The following RGMA variants were observed in gnomAD, a reference collection of about 807,000 sequenced individuals.
The protein encoded by RGMA is repulsive guidance molecule BMP co-receptor a, also known as repulsive guidance molecule A.
RGMA carries 10 observed loss-of-function variants against 23.2 expected under a neutral mutation model. The observed-to-expected ratio is 0.43, with a 90% CI of 0.27 to 0.73. The LOEUF (loss-of-function observed/expected upper bound fraction) is 0.73. Among genes scored for constraint, RGMA ranks in the 30% least tolerant of loss-of-function variants. The pLI, the probability that RGMA is intolerant of heterozygous loss-of-function variation, is 0.20. For synonymous variants in RGMA, 308 were observed against 279.3 expected (o/e 1.10, Z -1.03); for missense variants, 547 against 630.5 (o/e 0.87, Z 1.42).
At chr15:93,054,620 G>A (rs2054983794) in intron 2 of RGMA, among the ~76,000 whole-genome samples, 1 of 152,280 alleles carries the variant, frequency 6.6e-6, no homozygotes, top group South Asian at 2.1e-4. Flanking sequence ...CGGCCATGTG[G>A]AACTATGAGT....
At chr15:93,088,662 T>C in intron 1 of RGMA, 3 of 957,094 alleles carry the variant, frequency 3.1e-6, no homozygotes, top group Non-Finnish European at 4.2e-6. Flanking sequence ...GTGCCGGGTC[T>C]GCCCAACCAC....
intron 2 of RGMA, chr15:93,066,242 G>A: frequency 2.3e-6 from 3 of 1,321,886 alleles, no homozygotes; most frequent in Non-Finnish European, 3.3e-6. Flanking sequence ...AACTTCCTGG[G>A]CTTCTTTTAA....
rs1294846815 is a variant in RGMA at position 93,073,735 on chromosome 15, G to A, written c.15-704C>T. The A allele has an allele frequency of 1.0e-5, 16 of 1,537,040 alleles. No homozygotes were observed. The highest frequency in any genetic ancestry group is 1.4e-5 in the Non-Finnish European group (16 of 1,146,890). Reference sequence around the variant, plus strand: ...CTAACGCACCTCGAGGTTCCCGCCCGTCGTGGCCCCAGGCCACCCATCCTG... The same window carrying A: ...CTAACGCACCTCGAGGTTCCCGCCCATCGTGGCCCCAGGCCACCCATCCTG... On this transcript the variant is annotated intron_variant, in intron 1 of 3. Transcript: ENST00000329082.
intron 2 of RGMA, among the ~76,000 whole-genome samples, chr15:93,069,026 AAACT>A (rs1895240306): frequency 1.3e-5 from 2 of 152,238 alleles, no homozygotes; most frequent in Non-Finnish European, 2.9e-5. Flanking sequence ...CAGCCCAAAC[AAACT>A]AAGACACTCT....
intron 3 of RGMA, among the ~76,000 whole-genome samples, chr15:93,048,074 G>A (rs1207996518): frequency 6.6e-6 from 1 of 152,148 alleles, no homozygotes; most frequent in African/African-American, 2.4e-5. Context: ...TCAGGACCAG[G>A]TGCTAAGAGG....
At chr15:93,070,224 C>T (rs1421245661) in intron 2 of RGMA, among the ~76,000 whole-genome samples, 3 of 152,324 alleles carry the variant, frequency 2.0e-5, no homozygotes, top group Middle Eastern at 3.4e-3. Flanking sequence ...AACACACAAA[C>T]GCTCTCAGTG....
At chr15:93,073,226 C>A (rs905902422) in intron 1 of RGMA, 195 bp from the exon 2 acceptor site, 3 of 1,092,444 alleles carry the variant, frequency 2.7e-6, no homozygotes, top group Admixed American at 4.9e-5. Context: ...CCGCCAATGT[C>A]GACGCGGCCC....
chr15:93,057,171 C>G (rs898121148), intron 2 of RGMA, among the ~76,000 whole-genome samples: 2 of 152,180 alleles, frequency 1.3e-5, no homozygotes, highest in South Asian at 2.1e-4. Context: ...TCATGACTGT[C>G]GAGGGGGCCT....
chr15:93,066,681 G>A (rs1326202409), intron 2 of RGMA: 2 of 386,276 alleles, frequency 5.2e-6, no homozygotes, highest in Admixed American at 3.5e-5. Flanking sequence ...GGCCCCCGCC[G>A]CCGCCCGGTT....
At chr15:93,058,995 G>A (rs1260037271) in intron 2 of RGMA, among the ~76,000 whole-genome samples, 2 of 141,634 alleles carry the variant, frequency 1.4e-5, no homozygotes, top group Admixed American at 7.2e-5. Context: ...GTGACACATT[G>A]CTTTCCTGTT....
rs1458674489 is a variant in RGMA at position 93,043,277 on chromosome 15, C to CAGGCATGCAT, written c.*1720_*1721insATGCATGCCT. The CAGGCATGCAT allele has an allele frequency of 2.8e-5, 2 of 71,086 alleles. No individual in the cohort carries two copies. The highest frequency in any genetic ancestry group is 1.1e-4 in the Non-Finnish European group (2 of 18,150). 4.4% of individuals were successfully genotyped at this position (71,086 alleles called of 1,614,324 possible). On this transcript the variant is annotated 3_prime_UTR_variant, in exon 4 of 4. Transcript: ENST00000329082. ...GCACGCACACACACAGGCATGCATA[C>CAGGCATGCAT]ACACATGCGCGCACACACACATGCG...
intron 1 of RGMA, among the ~76,000 whole-genome samples, chr15:93,079,073 A>G (rs1895517498): frequency 6.6e-6 from 1 of 152,234 alleles, no homozygotes; most frequent in African/African-American, 2.4e-5. Context: ...ATTTCATCCC[A>G]AAGCCTGGAA....
chr15:93,049,646 C>T lies in RGMA; in HGVS notation c.645+2347G>A, dbSNP rs149087959. On this transcript the variant is annotated intron_variant, in intron 3 of 3. Coordinates refer to ENST00000329082, the MANE Select transcript of RGMA (RefSeq NM_020211.3). ...ACAAATAAAGGCCCCTAGTGATGCC[C>T]GGGTGTTTGGGGGCAGCTTCATGCA... Among the ~76,000 whole-genome samples, 303 of 152,304 alleles carry T rather than the reference C, an allele frequency of 2.0e-3. 1 individual carries two copies. Among genetic ancestry groups the T allele is most frequent in the African/African-American group, 6.8e-3 (282 of 41,560 alleles).
Position 93,044,637 on chromosome 15 carries a change from T to G in RGMA, c.*361A>C. ...GGCGAGCAGCAGTCGGCCGGGCCTT[T>G]CAGTGCATTGCGAGGGGGAAGGAGC... On this transcript the variant is annotated 3_prime_UTR_variant, in exon 4 of 4. Coordinates refer to ENST00000329082, the MANE Select transcript of RGMA (RefSeq NM_020211.3). The G allele has an allele frequency of 6.4e-6, 2 of 313,776 alleles. No individual in the cohort carries two copies. Among genetic ancestry groups the G allele is most frequent in the Non-Finnish European group, 6.0e-6 (1 of 167,594 alleles). 19.4% of individuals were successfully genotyped at this position (313,776 alleles called of 1,614,324 possible).
At chr15:93,066,689 G>T (rs936363193) in intron 2 of RGMA, 2 of 380,098 alleles carry the variant, frequency 5.3e-6, no homozygotes, top group Non-Finnish European at 5.1e-6. Context: ...CCGCCGCCCG[G>T]TTTTTTATAT....
chr15:93,047,301 A>G (rs2054839483), intron 3 of RGMA, among the ~76,000 whole-genome samples: 1 of 151,804 alleles, frequency 6.6e-6, no homozygotes, highest in South Asian at 2.1e-4. Flanking sequence ...GAGAGAAAAA[A>G]CCACCCCTTC....
chr15:93,070,508 C>T (rs1171591559), intron 2 of RGMA, among the ~76,000 whole-genome samples: 1 of 152,218 alleles, frequency 6.6e-6, no homozygotes, highest in African/African-American at 2.4e-5. Flanking sequence ...AACTTCATTC[C>T]TAAGCGGCCC....
At chr15:93,055,619 CT>C (rs2055000907) in intron 2 of RGMA, among the ~76,000 whole-genome samples, 1 of 152,218 alleles carries the variant, frequency 6.6e-6, no homozygotes, top group Admixed American at 6.5e-5. Context: ...ACCCGATTCC[CT>C]CCCCCACGGG....
rs567589388 is a variant in RGMA, at chr15:93,037,644, A to C, written c.*7354T>G. 6.6e-6 allele frequency: 1 copy of C among 152,406 alleles called. No homozygotes were observed. Among genetic ancestry groups the C allele is most frequent in the South Asian group, 2.1e-4 (1 of 4,830 alleles). The allele number at this position is 152,406 out of a possible 1,614,324, so 9.4% of individuals were successfully genotyped here. The stretch of plus-strand genomic sequence containing the variant: ...TGGCCTTGTTGCACAGATGGAGCTC[A>C]GAGTGAGCTCAAAACCAATTCCCCA... On this transcript the variant is annotated 3_prime_UTR_variant, in exon 4 of 4. Transcript: ENST00000329082. The surrounding 1 kb of genome is among the most constrained non-coding windows in gnomAD (Gnocchi z 4.3).
Sources: gnomAD v4.1 joint callset for allele counts (sites outside exome capture counted in the v4.1 genomes callset) on GRCh38, gnomAD v4.1.1 for gene constraint, Gnocchi (gnomAD v3.1) non-coding constraint, MANE v1.5 for transcripts, NCBI Gene and HGNC (gene_info 2026-07-23, HGNC 2026-07-21) for gene names.